Variants in RNGTT observed in about 807,000 individuals in gnomAD.
RNGTT encodes mRNA-capping enzyme.
RNGTT carries 33 observed loss-of-function variants against 79.3 expected under a neutral mutation model. That is an observed-to-expected ratio of 0.42 (90% CI 0.32 to 0.56). The LOEUF (loss-of-function observed/expected upper bound fraction) is 0.56. Ranked by LOEUF, RNGTT falls within the 20% of genes least tolerant of loss-of-function variation. The probability of loss-of-function intolerance (pLI) is 0.17; values close to 1 mark genes in which losing one functional copy is unlikely to be tolerated. For synonymous variants in RNGTT, 222 were observed against 235.9 expected, an observed-to-expected ratio of 0.94 and a Z score of 0.54; for missense variants, 497 against 739.1, an observed-to-expected ratio of 0.67 and a Z score of 3.80.
intron 4 of RNGTT, among the ~76,000 whole-genome samples, chr6:88,910,911 A>C (rs1169855025): frequency 6.6e-6 from 1 of 152,240 alleles, no homozygotes; most frequent in Non-Finnish European, 1.5e-5. Context: ...AGGAGAAATA[A>C]AATCTTTGCA....
intron 12 of RNGTT, among the ~76,000 whole-genome samples, chr6:88,799,467 G>C (rs376476286): frequency 6.6e-6 from 1 of 152,070 alleles, no homozygotes; most frequent in East Asian, 1.9e-4. Flanking sequence ...GGGAGGCCAA[G>C]GTAGGCGGAT....
Position 88,618,601 on chromosome 6 carries a change from C to A in RNGTT, c.1507-4206G>T, listed in dbSNP as rs79119599. On this transcript the variant is annotated intron_variant, in intron 14 of 15. Coordinates refer to ENST00000369485, the MANE Select transcript of RNGTT (RefSeq NM_003800.5). ...TAAAACAAGATTTCACATCTGTACC[C>A]CAAATTACATTGAACTGATGAGGTT... Among the ~76,000 whole-genome samples, 1,504 of 152,088 alleles carry A rather than the reference C, an allele frequency of 9.9e-3. 20 individuals are homozygous for A. The highest frequency in any genetic ancestry group is 0.034 in the African/African-American group (1,400 of 41,490).
chr6:88,628,405 T>C (rs1349450741), intron 14 of RNGTT, among the ~76,000 whole-genome samples: 5 of 152,156 alleles, frequency 3.3e-5, no homozygotes. Flanking sequence ...AATATTCAAG[T>C]ACTAAAGTGC....
chr6:88,831,237 C>T lies in RNGTT; in HGVS notation c.1269+13120G>A, dbSNP rs1030210831. On this transcript the variant is annotated intron_variant, in intron 11 of 15. Coordinates refer to ENST00000369485, the MANE Select transcript of RNGTT (RefSeq NM_003800.5). Reference sequence around the variant, plus strand: ...CCAGCAGCACATCAAAAAACTTATCCACCACGATCAAGTCGGATTAGTCCC... The same window carrying T: ...CCAGCAGCACATCAAAAAACTTATCTACCACGATCAAGTCGGATTAGTCCC... Among the ~76,000 whole-genome samples, 8 of 152,156 alleles carry T rather than the reference C, an allele frequency of 5.3e-5. 1 individual carries two copies. The highest frequency in any genetic ancestry group is 1.4e-4 in the African/African-American group (6 of 41,432).
intron 1 of RNGTT, among the ~76,000 whole-genome samples, chr6:88,951,486 C>G (rs936136496): frequency 1.3e-5 from 2 of 152,060 alleles, no homozygotes; most frequent in Non-Finnish European, 2.9e-5. Flanking sequence ...ATGTAGCAAA[C>G]TTCATTGCTC....
intron 14 of RNGTT, among the ~76,000 whole-genome samples, chr6:88,649,524 C>A (rs1773714352): frequency 1.3e-5 from 2 of 152,072 alleles, no homozygotes; most frequent in South Asian, 4.1e-4. Context: ...GGTGAAACCA[C>A]GTCTTTAATA....
intron 13 of RNGTT, among the ~76,000 whole-genome samples, chr6:88,726,925 T>C (rs959573166): frequency 1.3e-5 from 2 of 151,748 alleles, no homozygotes; most frequent in African/African-American, 4.8e-5. Flanking sequence ...CTTGTGGCCT[T>C]AGACGGTCTA....
intron 14 of RNGTT, among the ~76,000 whole-genome samples, chr6:88,633,120 ATAT>A (rs1772965552): frequency 6.6e-6 from 1 of 152,164 alleles, no homozygotes; most frequent in African/African-American, 2.4e-5. Context: ...ATATCATGAC[ATAT>A]TATTGCAGGG....
intron 13 of RNGTT, among the ~76,000 whole-genome samples, chr6:88,736,349 C>T (rs1295503465): frequency 1.3e-5 from 2 of 152,128 alleles, no homozygotes; most frequent in African/African-American, 4.8e-5. Flanking sequence ...ATACCAAAAT[C>T]AGATAAACAT....
intron 4 of RNGTT, among the ~76,000 whole-genome samples, chr6:88,919,469 A>C (rs1055379026): frequency 2.0e-5 from 3 of 152,174 alleles, no homozygotes; most frequent in African/African-American, 7.2e-5. Flanking sequence ...TTTTAAATAA[A>C]GCCTGATCTC....
At chr6:88,768,264 C>G (rs771222133) in intron 13 of RNGTT, among the ~76,000 whole-genome samples, 1 of 151,866 alleles carries the variant, frequency 6.6e-6, no homozygotes, top group Non-Finnish European at 1.5e-5. Context: ...CATGCACCAC[C>G]ATACCCGGCT....
rs1459884605 is a variant in RNGTT at position 88,611,742 on chromosome 6, T to C, written c.*977A>G. On this transcript the variant is annotated 3_prime_UTR_variant, in exon 16 of 16. Transcript: ENST00000369485. ...TTTCTGGTGACAGCATTCTATTCCA[T>C]GACATTACCTTCTAATCAAAGAAGT... 1 of 152,694 alleles carries C rather than the reference T, an allele frequency of 6.5e-6. No homozygotes were observed. 9.5% of individuals were successfully genotyped at this position (152,694 alleles called of 1,614,324 possible). A position where few individuals can be genotyped will look rare whatever the true frequency, so the allele number is the denominator to read the frequency against.
chr6:88,618,311 G>A (rs938797185), intron 14 of RNGTT, among the ~76,000 whole-genome samples: 5 of 151,970 alleles, frequency 3.3e-5, no homozygotes, highest in Admixed American at 6.6e-5. Flanking sequence ...TTGGTTAGGT[G>A]GTAAAATATA....
intron 4 of RNGTT, among the ~76,000 whole-genome samples, chr6:88,913,510 T>C (rs1029018228): frequency 6.6e-6 from 1 of 152,136 alleles, no homozygotes; most frequent in African/African-American, 2.4e-5. Flanking sequence ...GCTAATTCAC[T>C]GCTTCAAGCA....
intron 11 of RNGTT, among the ~76,000 whole-genome samples, chr6:88,834,023 A>G (rs906942702): frequency 1.3e-5 from 2 of 152,258 alleles, no homozygotes; most frequent in African/African-American, 4.8e-5. Flanking sequence ...TTCGTCTCAA[A>G]AAAAAGAATA....
intron 13 of RNGTT, among the ~76,000 whole-genome samples, chr6:88,752,622 A>G (rs971245257): frequency 6.6e-6 from 1 of 152,118 alleles, no homozygotes; most frequent in African/African-American, 2.4e-5. Flanking sequence ...CATGAAAAAT[A>G]CTCTTTTTGA....
At chr6:88,634,756 GAAAAT>G (rs2127770779) in intron 14 of RNGTT, among the ~76,000 whole-genome samples, 2 of 151,880 alleles carry the variant, frequency 1.3e-5, no homozygotes, top group East Asian at 3.9e-4. Context: ...AATAACTGCA[GAAAAT>G]AAAATATAAC....
At chr6:88,705,436 C>A (rs1776097075) in intron 13 of RNGTT, among the ~76,000 whole-genome samples, 1 of 151,770 alleles carries the variant, frequency 6.6e-6, no homozygotes, top group African/African-American at 2.4e-5. Context: ...TTTTGGTATG[C>A]AAAACCAAAA....
intron 8 of RNGTT, among the ~76,000 whole-genome samples, chr6:88,856,452 C>CA (rs1178892414): frequency 6.6e-6 from 1 of 151,834 alleles, no homozygotes; most frequent in Admixed American, 6.6e-5. Context: ...TAGTATCAGA[C>CA]CTTTTCTTTT....
Sources: allele counts gnomAD v4.1 joint callset (sites outside exome capture counted in the v4.1 genomes callset), GRCh38; gene constraint gnomAD v4.1.1; transcripts MANE v1.5; gene names NCBI Gene and HGNC (gene_info 2026-07-23, HGNC 2026-07-21).